AATF: variants seen among roughly 807,000 people sequenced by gnomAD.
AATF encodes the protein apoptosis antagonizing transcription factor, also known as protein AATF.
AATF carries 48 observed loss-of-function variants against 63.7 expected under a neutral mutation model. That is an observed-to-expected ratio of 0.75 (90% confidence interval 0.60 to 0.96). The LOEUF (loss-of-function observed/expected upper bound fraction) is 0.96. AATF is among the 40% of genes least tolerant of loss of function. The pLI is 0.00. For missense variants in AATF, 639 were observed against 685.7 expected (o/e 0.93, Z 0.76); for synonymous variants, 258 against 247.7 (o/e 1.04, Z -0.39).
Position 36,989,293 on chromosome 17 carries a change from T to C in AATF, c.1196T>C (p.Ile399Thr), listed in dbSNP as rs1443298582. 7 of 1,614,046 alleles carry C rather than the reference T, an allele frequency of 4.3e-6. No individual in the cohort carries two copies. Among genetic ancestry groups the C allele is most frequent in the Non-Finnish European group, 5.9e-6 (7 of 1,179,972 alleles). ...ERSILTQIDHILMDKERLLRR... is the reference protein window; with the variant it reads ...ERSILTQIDHTLMDKERLLRR... Reference sequence around the variant, plus strand: ...TCAATCTTGACTCAGATCGACCATATTCTGATGGACAAAGAGAGATTACTT... The same window carrying C: ...TCAATCTTGACTCAGATCGACCATACTCTGATGGACAAAGAGAGATTACTT... Residue 399 changes from isoleucine (I) to threonine (T), a missense_variant, in exon 7 of 12, where the codon ATT becomes ACT. Coordinates refer to ENST00000619387, the MANE Select transcript of AATF (RefSeq NM_012138.4).
At chr17:37,031,065 T>G (rs2071547957) in intron 10 of AATF, among the ~76,000 whole-genome samples, 1 of 152,210 alleles carries the variant, frequency 6.6e-6, no homozygotes, top group Non-Finnish European at 1.5e-5. Flanking sequence ...TTATCAGACT[T>G]TTCTCCTGTA....
At chr17:37,004,974 T>C (rs1019671893) in intron 8 of AATF, among the ~76,000 whole-genome samples, 2 of 152,226 alleles carry the variant, frequency 1.3e-5, no homozygotes, top group African/African-American at 2.4e-5. Flanking sequence ...ATTCCGAGAT[T>C]AAAAATCTGA....
chr17:37,036,215 C>G (rs2071590980), intron 11 of AATF, among the ~76,000 whole-genome samples: 1 of 152,174 alleles, frequency 6.6e-6, no homozygotes, highest in Non-Finnish European at 1.5e-5. Flanking sequence ...TCTTCTTTTC[C>G]TTAGTTGCTC....
Position 37,056,766 on chromosome 17 carries a change from C to G in AATF, c.*102C>G. 3 of 1,310,130 alleles carry G rather than the reference C, an allele frequency of 2.3e-6. No homozygotes were observed. The highest frequency in any genetic ancestry group is 3.2e-6 in the Non-Finnish European group (3 of 927,240). The allele number at this position is 1,310,130 out of a possible 1,614,324, so 81.2% of individuals were successfully genotyped here. On this transcript the variant is annotated 3_prime_UTR_variant, in exon 12 of 12. Transcript: ENST00000619387. ...TATGGGGCTGAGCTAGTAGGGAAGC[C>G]CCTGGAAAGATGCTGCGTTCCGAAC... is the stretch of plus-strand genomic sequence containing the variant.
At chr17:36,954,959 A>G (rs1359161605) in intron 4 of AATF, among the ~76,000 whole-genome samples, 1 of 152,106 alleles carries the variant, frequency 6.6e-6, no homozygotes, top group Non-Finnish European at 1.5e-5. Context: ...AGAGATATCT[A>G]TATCCATAGA....
chr17:36,975,214 C>T (rs2071070938), intron 4 of AATF, among the ~76,000 whole-genome samples: 1 of 152,102 alleles, frequency 6.6e-6, no homozygotes. Flanking sequence ...TTATGCTTTA[C>T]ATCTTCCCAT....
intron 4 of AATF, among the ~76,000 whole-genome samples, chr17:36,968,631 TC>T (rs1318568210): frequency 2.7e-4 from 41 of 152,130 alleles, no homozygotes; most frequent in East Asian, 7.7e-4. Context: ...TTTTCTTTTT[TC>T]TTTTTTCAAG....
intron 5 of AATF, 142 bp from the exon 6 acceptor site, chr17:36,988,377 C>T: frequency 1.3e-6 from 1 of 767,602 alleles, no homozygotes; most frequent in Non-Finnish European, 2.0e-6. Context: ...GAGCAAAAGC[C>T]ATCCTTATAT....
At chr17:36,982,632 G>A (rs554331420) in intron 4 of AATF, among the ~76,000 whole-genome samples, 3 of 152,188 alleles carry the variant, frequency 2.0e-5, no homozygotes, top group Admixed American at 6.5e-5. Flanking sequence ...GATTACAGGC[G>A]TGAGCCACCG....
intron 8 of AATF, among the ~76,000 whole-genome samples, chr17:37,018,050 T>G (rs556628334): frequency 1.2e-4 from 19 of 152,350 alleles, no homozygotes; most frequent in Admixed American, 7.2e-4. Context: ...CTAGTTTATC[T>G]TAGCGTCTTC....
At chr17:37,034,579 T>A (rs1038511438) in intron 11 of AATF, 1 of 152,118 alleles carries the variant, frequency 6.6e-6, no homozygotes, top group African/African-American at 2.4e-5. Context: ...TTAAACTGAT[T>A]TCAAGGTAGT....
At chr17:37,002,693 A>T (rs2071310143) in intron 8 of AATF, among the ~76,000 whole-genome samples, 1 of 151,992 alleles carries the variant, frequency 6.6e-6, no homozygotes, top group South Asian at 2.1e-4. Flanking sequence ...AGCATCTAAA[A>T]TAATAAAATA....
At chr17:37,002,857 A>G (rs1193501430) in intron 8 of AATF, among the ~76,000 whole-genome samples, 2 of 150,786 alleles carry the variant, frequency 1.3e-5, no homozygotes, top group Non-Finnish European at 3.0e-5. Flanking sequence ...TACTCCCCAA[A>G]TTGATCTAAA....
At chr17:37,012,140 T>A (rs2071396614) in intron 8 of AATF, among the ~76,000 whole-genome samples, 1 of 151,852 alleles carries the variant, frequency 6.6e-6, no homozygotes, top group African/African-American at 2.4e-5. Context: ...GCAACTTCCG[T>A]CTCCTGGGTT....
chr17:36,975,239 GTCT>G (rs1318679265), intron 4 of AATF, among the ~76,000 whole-genome samples: 2 of 151,826 alleles, frequency 1.3e-5, no homozygotes, highest in Non-Finnish European at 2.9e-5. Context: ...ATGCCTGCAG[GTCT>G]TTTTTTTCGT....
chr17:37,014,994 G>C (rs942083193), intron 8 of AATF, among the ~76,000 whole-genome samples: 9 of 152,098 alleles, frequency 5.9e-5, no homozygotes, highest in Admixed American at 4.6e-4. Context: ...GATATTCATT[G>C]TAAGTTTTGG....
At chr17:36,957,968 G>A (rs952578448) in intron 4 of AATF, among the ~76,000 whole-genome samples, 1 of 152,002 alleles carries the variant, frequency 6.6e-6, no homozygotes, top group Non-Finnish European at 1.5e-5. Flanking sequence ...CCCCAAACAC[G>A]TAAACTTAGT....
At chr17:36,978,901 G>A (rs1161144411) in intron 4 of AATF, among the ~76,000 whole-genome samples, 1 of 151,868 alleles carries the variant, frequency 6.6e-6, no homozygotes, top group East Asian at 1.9e-4. Context: ...CTTTGTTGAA[G>A]AAGTTAGGGC....
chr17:36,950,404 T>G lies in AATF; in HGVS notation c.282T>G (p.Ser94=). 6.2e-7 allele frequency: 1 copy of G among 1,613,118 alleles called. No individual in the cohort carries two copies. Among genetic ancestry groups the G allele is most frequent in the Non-Finnish European group, 8.5e-7 (1 of 1,179,160 alleles). Residue 94 remains serine, a splice_region_variant and synonymous_variant, in exon 2 of 12, where the codon TCT becomes TCG. Coordinates refer to ENST00000619387, the MANE Select transcript of AATF (RefSeq NM_012138.4). Reference sequence around the variant, plus strand: ...GGGAGCAGACTCTGCCAGGATCGTCTGGTGAGTAGACATTTTTGAATGGAA... The same window carrying G: ...GGGAGCAGACTCTGCCAGGATCGTCGGGTGAGTAGACATTTTTGAATGGAA... ...DHWEQTLPGS[S]DEEISDEEGS...
Sources: gnomAD v4.1 joint callset for allele counts (sites outside exome capture counted in the v4.1 genomes callset) on GRCh38, gnomAD v4.1.1 for gene constraint, MANE v1.5 for transcripts, NCBI Gene and HGNC (gene_info 2026-07-23, HGNC 2026-07-21) for gene names.